The following GNG12 variants were observed in gnomAD, a reference collection of about 807,000 sequenced individuals.
GNG12 encodes G protein subunit gamma 12, also known as guanine nucleotide-binding protein G(I)/G(S)/G(O) subunit gamma-12.
For synonymous variants in GNG12, 28 were observed against 29.7 expected, an observed-to-expected ratio of 0.94 and a Z score of 0.19; for missense variants, 69 against 83.8, an observed-to-expected ratio of 0.82 and a Z score of 0.69.
At chr1:67,749,172 C>T (rs1393848544) in intron 2 of GNG12, among the ~76,000 whole-genome samples, 1 of 152,170 alleles carries the variant, frequency 6.6e-6, no homozygotes, top group African/African-American at 2.4e-5. Context: ...GAATAGTCTG[C>T]TAACTTAGTT....
intron 2 of GNG12, among the ~76,000 whole-genome samples, chr1:67,732,372 T>C (rs774353676): frequency 3.9e-5 from 6 of 152,230 alleles, no homozygotes; most frequent in Non-Finnish European, 7.3e-5. Flanking sequence ...GCCTAACCCT[T>C]GGCCTTGTTC....
At chr1:67,749,719 A>G (rs1361178158) in intron 2 of GNG12, among the ~76,000 whole-genome samples, 1 of 152,162 alleles carries the variant, frequency 6.6e-6, no homozygotes, top group Non-Finnish European at 1.5e-5. Flanking sequence ...CCACACGCCC[A>G]TCTCCACAGG....
intron 2 of GNG12, among the ~76,000 whole-genome samples, chr1:67,709,750 T>G (rs1646270389): frequency 4.1e-5 from 6 of 145,918 alleles, no homozygotes; most frequent in African/African-American, 1.5e-4. Flanking sequence ...GAAATGCAAC[T>G]GAGGAAGTAG....
At chr1:67,743,161 C>T (rs1301092781) in intron 2 of GNG12, among the ~76,000 whole-genome samples, 1 of 152,114 alleles carries the variant, frequency 6.6e-6, no homozygotes, top group African/African-American at 2.4e-5. Flanking sequence ...TACCATGAAG[C>T]CACCTTCCGG....
At chr1:67,762,219 T>G (rs1223196881) in intron 2 of GNG12, among the ~76,000 whole-genome samples, 1 of 152,170 alleles carries the variant, frequency 6.6e-6, no homozygotes, top group Non-Finnish European at 1.5e-5. Flanking sequence ...CTGCCACATT[T>G]GCCCAGTACC....
chr1:67,787,786 G>A (rs909731770), intron 1 of GNG12, among the ~76,000 whole-genome samples: 1 of 152,168 alleles, frequency 6.6e-6, no homozygotes, highest in African/African-American at 2.4e-5. Flanking sequence ...CATTTTACAG[G>A]TAAGTTGCTG....
intron 1 of GNG12, among the ~76,000 whole-genome samples, chr1:67,821,429 G>GA (rs1364060837): frequency 6.6e-6 from 1 of 152,206 alleles, no homozygotes; most frequent in African/African-American, 2.4e-5. Flanking sequence ...GGACCAGAGG[G>GA]AGATCTCTAG....
chr1:67,748,215 AGTTTTCT>A (rs904094229), intron 2 of GNG12, among the ~76,000 whole-genome samples: 2 of 152,166 alleles, frequency 1.3e-5, no homozygotes, highest in African/African-American at 4.8e-5. Context: ...TTTTCGAAGG[AGTTTTCT>A]GTTTGTAATA....
chr1:67,796,272 T>C (rs1215824859), intron 1 of GNG12, among the ~76,000 whole-genome samples: 2 of 152,198 alleles, frequency 1.3e-5, no homozygotes, highest in African/African-American at 4.8e-5. Context: ...CCGACACACA[T>C]ACTCTTTTCA....
chr1:67,754,327 T>C (rs558238143), intron 2 of GNG12, among the ~76,000 whole-genome samples: 6 of 152,228 alleles, frequency 3.9e-5, no homozygotes, highest in Admixed American at 6.5e-5. Flanking sequence ...CCTCCGCCTA[T>C]TGTTGTGGTC....
chr1:67,787,230 G>A (rs1171703313), intron 1 of GNG12, among the ~76,000 whole-genome samples: 1 of 151,962 alleles, frequency 6.6e-6, no homozygotes, highest in Non-Finnish European at 1.5e-5. Flanking sequence ...AGGCTTCCAG[G>A]AGGAAGCAGT....
At chr1:67,723,657 C>T (rs1373763701) in intron 2 of GNG12, among the ~76,000 whole-genome samples, 1 of 152,042 alleles carries the variant, frequency 6.6e-6, no homozygotes, top group Non-Finnish European at 1.5e-5. Context: ...GAGGTTATTC[C>T]CATTGTTCTT....
intron 2 of GNG12, among the ~76,000 whole-genome samples, chr1:67,712,943 G>A (rs1031629022): frequency 6.6e-6 from 1 of 151,988 alleles, no homozygotes; most frequent in Admixed American, 6.6e-5. Flanking sequence ...TGACCAGGCT[G>A]GTCTCGAACT....
At chr1:67,812,509 C>A (rs904389560) in intron 1 of GNG12, among the ~76,000 whole-genome samples, 1 of 152,156 alleles carries the variant, frequency 6.6e-6, no homozygotes, top group Non-Finnish European at 1.5e-5. Context: ...ATCTACTCCA[C>A]TCATGTCAAT....
chr1:67,800,645 A>C (rs1020878380), intron 1 of GNG12, among the ~76,000 whole-genome samples: 3 of 152,192 alleles, frequency 2.0e-5, no homozygotes, highest in Non-Finnish European at 4.4e-5. Context: ...ATGAGACTTA[A>C]TTTTTACTGC....
intron 2 of GNG12, among the ~76,000 whole-genome samples, chr1:67,738,209 C>A (rs973132417): frequency 6.6e-6 from 1 of 152,180 alleles, no homozygotes. Context: ...CAGGTATGCA[C>A]CACTGTGCCC....
intron 2 of GNG12, among the ~76,000 whole-genome samples, chr1:67,708,871 C>T (rs1198542073): frequency 6.6e-6 from 1 of 152,186 alleles, no homozygotes; most frequent in African/African-American, 2.4e-5. Flanking sequence ...GCTGACTCAA[C>T]CTTTTGGAGA....
intron 2 of GNG12, among the ~76,000 whole-genome samples, chr1:67,749,797 C>A (rs1234881065): frequency 6.6e-6 from 1 of 152,158 alleles, no homozygotes; most frequent in Non-Finnish European, 1.5e-5. Context: ...ACTTGTTCCC[C>A]TCTCCTGATC....
At chr1:67,752,725 C>T (rs193220454) in intron 2 of GNG12, among the ~76,000 whole-genome samples, 1 of 152,312 alleles carries the variant, frequency 6.6e-6, no homozygotes, top group East Asian at 1.9e-4. Context: ...AATTTCTTTC[C>T]TTAAAGTAAC....
Sources: gnomAD v4.1 joint callset for allele counts (sites outside exome capture counted in the v4.1 genomes callset) on GRCh38, gnomAD v4.1.1 for gene constraint, MANE v1.5 for transcripts, NCBI Gene and HGNC (gene_info 2026-07-23, HGNC 2026-07-21) for gene names.